Variants in GCSAML observed in about 807,000 individuals in gnomAD.
GCSAML encodes germinal center-associated signaling and motility-like protein.
Under a neutral mutation model 13.0 loss-of-function variants are expected in GCSAML, and 9 were observed. The ratio of observed to expected loss-of-function variants is 0.69; its 90% confidence interval spans 0.42 to 1.21. GCSAML has a LOEUF of 1.21. GCSAML is among the 50% of genes most tolerant of loss of function. The pLI, the probability that GCSAML is intolerant of heterozygous loss-of-function variation, is 0.00. For synonymous variants in GCSAML, 37 were observed against 52.9 expected (o/e 0.70, Z 1.31); for missense variants, 143 against 153.4 (o/e 0.93, Z 0.36).
chr1:247,530,521 C>CCCCA (rs1553302946), intron 2 of GCSAML: 1 of 140,050 alleles, frequency 7.1e-6, no homozygotes, highest in Non-Finnish European at 1.6e-5. Context: ...ATGCCATCCC[C>CCCCA]CCCCCACAAA....
intron 2 of GCSAML, among the ~76,000 whole-genome samples, chr1:247,542,180 G>A (rs12080189): frequency 0.034 from 5,206 of 152,270 alleles, 284 homozygotes; most frequent in African/African-American, 0.12. Context: ...GGAGGCTGAG[G>A]CAGGAGGATC....
At chr1:247,553,040 C>T (rs1158275466) in intron 1 of GCSAML, among the ~76,000 whole-genome samples, 1 of 152,212 alleles carries the variant, frequency 6.6e-6, no homozygotes, top group African/African-American at 2.4e-5. Context: ...AGGCGTGAGC[C>T]ACTGCGCCTG....
chr1:247,515,654 G>T (rs530607293), intron 1 of GCSAML, among the ~76,000 whole-genome samples: 1 of 152,172 alleles, frequency 6.6e-6, no homozygotes, highest in Non-Finnish European at 1.5e-5. Context: ...GGCAGATGGC[G>T]AAGGGGAAGC....
At chr1:247,566,122 T>G (rs1349241000) in intron 4 of GCSAML, among the ~76,000 whole-genome samples, 163 bp downstream of exon 4, 6 of 152,230 alleles carry the variant, frequency 3.9e-5, no homozygotes, top group Admixed American at 3.9e-4. Context: ...TTTAAATAAT[T>G]TATATGGCAA....
chr1:247,523,141 T>C (rs1572295147), intron 1 of GCSAML, among the ~76,000 whole-genome samples: 1 of 152,328 alleles, frequency 6.6e-6, no homozygotes, highest in East Asian at 1.9e-4. Context: ...GGCAACCTCC[T>C]ACAGAACAGA....
At chr1:247,523,804 A>G (rs1204034802) in intron 1 of GCSAML, among the ~76,000 whole-genome samples, 1 of 152,214 alleles carries the variant, frequency 6.6e-6, no homozygotes, top group Non-Finnish European at 1.5e-5. Flanking sequence ...AGCTATTAAA[A>G]GTGTTACAAA....
chr1:247,557,984 C>T (rs1188795622), intron 2 of GCSAML, among the ~76,000 whole-genome samples: 3 of 152,172 alleles, frequency 2.0e-5, no homozygotes, highest in African/African-American at 7.2e-5. Context: ...AGATGTCATT[C>T]TCTAATATTT....
intron 2 of GCSAML, chr1:247,532,303 A>G: frequency 6.2e-7 from 1 of 1,614,218 alleles, no homozygotes; most frequent in South Asian, 1.1e-5. Context: ...GCTCATGTCC[A>G]GGAAGGGGAG....
Position 247,568,948 on chromosome 1 carries a change from G to C in GCSAML, c.168+2989G>C, listed in dbSNP as rs145986605. ...ATTCTCTTTGTATTGTGAATACAAA[G>C]AGAATAAAACACAATTTGCAATTGT... On this transcript the variant is annotated intron_variant, in intron 4 of 4. Coordinates refer to ENST00000366488, the MANE Select transcript of GCSAML (RefSeq NM_145278.5). Among the ~76,000 whole-genome samples, 1,401 of 151,918 alleles carry C rather than the reference G, an allele frequency of 9.2e-3. 24 individuals are homozygous for C. The highest frequency in any genetic ancestry group is 0.032 in the African/African-American group (1,339 of 41,450).
chr1:247,522,186 G>A lies in GCSAML; in HGVS notation c.-262-4754G>A, dbSNP rs1405038999. 4.6e-5 allele frequency among the ~76,000 whole-genome samples: 7 copies of A among 151,554 alleles called. 1 individual carries two copies. The highest frequency in any genetic ancestry group is 7.0e-3 in the Middle Eastern group (2 of 286). Reference sequence around the variant, plus strand: ...AAGTGAGGAGCGTCTCCGCCCGGCAGCCGCCCTGTCTGGGAGGTGGGGGGC... The same window carrying A: ...AAGTGAGGAGCGTCTCCGCCCGGCAACCGCCCTGTCTGGGAGGTGGGGGGC... On this transcript the variant is annotated intron_variant, in intron 1 of 5. Coordinates refer to the GCSAML transcript ENST00000366489.
chr1:247,510,264 T>C (rs112776846), intron 1 of GCSAML, among the ~76,000 whole-genome samples: 5,065 of 152,304 alleles, frequency 0.033, 264 homozygotes, highest in African/African-American at 0.11. Flanking sequence ...TAACCATTTC[T>C]TCTAGATTTT....
Position 247,531,309 on chromosome 1 carries a change from C to G in GCSAML, c.-148+4255C>G, listed in dbSNP as rs1213595600. On this transcript the variant is annotated intron_variant, in intron 2 of 5. Transcript: ENST00000366489. ...GCAAGGAGTTTACAAAACAAGATGA[C>G]AGTCAACATGTGTATATATAGCAAA... 3 of 524,064 alleles carry G rather than the reference C, an allele frequency of 5.7e-6. No homozygotes were observed. In the East Asian group the frequency reaches 9.4e-5, roughly 16 times the overall value. The allele number at this position is 524,064 out of a possible 1,614,324, so 32.5% of individuals were successfully genotyped here.
At chr1:247,571,390 G>C (rs1668607382) in intron 4 of GCSAML, among the ~76,000 whole-genome samples, 1 of 152,112 alleles carries the variant, frequency 6.6e-6, no homozygotes, top group Non-Finnish European at 1.5e-5. Flanking sequence ...TGTAAGGCAG[G>C]CCTCATGGTG....
intron 1 of GCSAML, among the ~76,000 whole-genome samples, chr1:247,552,801 G>T (rs1667822047): frequency 6.6e-6 from 1 of 151,824 alleles, no homozygotes; most frequent in African/African-American, 2.4e-5. Flanking sequence ...TGTCACCCAG[G>T]CTGGAGGGCA....
At chr1:247,509,476 TCCTATATGAATA>T (rs1273131050) in intron 1 of GCSAML, among the ~76,000 whole-genome samples, 3 of 152,174 alleles carry the variant, frequency 2.0e-5, no homozygotes, top group African/African-American at 7.2e-5. Flanking sequence ...CTTCCTCTCT[TCCTATATGAATA>T]GGCTTTCTTT....
intron 2 of GCSAML, among the ~76,000 whole-genome samples, chr1:247,535,069 T>A (rs781494897): frequency 2.0e-5 from 3 of 152,086 alleles, no homozygotes; most frequent in Admixed American, 1.3e-4. Context: ...CCTAGCACTT[T>A]GGGAGGCTGA....
intron 2 of GCSAML, chr1:247,533,621 G>C (rs575699622): frequency 6.6e-6 from 1 of 152,296 alleles, no homozygotes; most frequent in Non-Finnish European, 1.5e-5. Flanking sequence ...GTCTTGCTGG[G>C]CTTCTTCACT....
In GCSAML at chr1:247,575,363, G is replaced by T. The variant is rs1161714164; in HGVS notation, c.*981G>T. ...TAAGTCTCCACAAATATATGTCCAA[G>T]AATCTTCAATTCCAAGCCTGCTCAC... On this transcript the variant is annotated 3_prime_UTR_variant, in exon 5 of 5. Transcript: ENST00000366488. The T allele has an allele frequency of 6.6e-6, 1 of 152,044 alleles. No homozygotes were observed. The highest frequency in any genetic ancestry group is 1.5e-5 in the Non-Finnish European group (1 of 68,016). The allele number at this position is 152,044 out of a possible 1,614,324, so 9.4% of individuals were successfully genotyped here.
intron 1 of GCSAML, among the ~76,000 whole-genome samples, chr1:247,555,162 C>T (rs1337215534): frequency 2.0e-5 from 3 of 152,012 alleles, no homozygotes; most frequent in Non-Finnish European, 2.9e-5. Context: ...CTTTTCCTGT[C>T]TTGTTTTCAA....
Sources: allele counts gnomAD v4.1 joint callset (sites outside exome capture counted in the v4.1 genomes callset), GRCh38; gene constraint gnomAD v4.1.1; transcripts MANE v1.5; gene names NCBI Gene and HGNC (gene_info 2026-07-23, HGNC 2026-07-21).